The following DCC variants were observed in gnomAD, a reference collection of about 807,000 sequenced individuals.
DCC encodes the protein DCC netrin 1 receptor.
Under a neutral mutation model 172.5 loss-of-function variants are expected in DCC, and 58 were observed. The ratio of observed to expected loss-of-function variants is 0.34; its 90% CI spans 0.27 to 0.42. The LOEUF is 0.42. Among genes scored for constraint, DCC ranks in the 10% least tolerant of loss-of-function variants. The pLI, the probability that DCC is intolerant of heterozygous loss-of-function variation, is 1.00. For missense variants in DCC, 1,740 were observed against 1,791.0 expected, an observed-to-expected ratio of 0.97 and a Z score of 0.51; for synonymous variants, 709 against 644.5, an observed-to-expected ratio of 1.10 and a Z score of -1.52.
At chr18:53,101,550 G>A (rs1367833920) in intron 7 of DCC, among the ~76,000 whole-genome samples, 1 of 152,066 alleles carries the variant, frequency 6.6e-6, no homozygotes, top group Non-Finnish European at 1.5e-5. Flanking sequence ...CCAGCATGCT[G>A]GGAACAATAA....
intron 24 of DCC, among the ~76,000 whole-genome samples, chr18:53,460,400 G>T (rs2045542408): frequency 6.9e-6 from 1 of 144,328 alleles, no homozygotes; most frequent in African/African-American, 2.5e-5. Flanking sequence ...CATCTAGCAT[G>T]AGGTATATCT....
At chr18:52,428,768 G>A (rs1373648904) in intron 1 of DCC, among the ~76,000 whole-genome samples, 1 of 151,964 alleles carries the variant, frequency 6.6e-6, no homozygotes, top group Non-Finnish European at 1.5e-5. Context: ...CAAACTAACA[G>A]GAGGCCCTTG....
intron 22 of DCC, among the ~76,000 whole-genome samples, chr18:53,439,769 C>CTTTTTTTCTT (rs1555672139): frequency 3.1e-5 from 4 of 127,214 alleles, no homozygotes; most frequent in Non-Finnish European, 3.4e-5. Flanking sequence ...TAGTATTTTT[C>CTTTTTTTCTT]TTTTTTTTTT....
At chr18:52,984,809 A>G (rs1308064284) in intron 5 of DCC, among the ~76,000 whole-genome samples, 1 of 152,132 alleles carries the variant, frequency 6.6e-6, no homozygotes, top group African/African-American at 2.4e-5. Context: ...TTCCCCAAGT[A>G]TGTGCCTCTC....
intron 12 of DCC, among the ~76,000 whole-genome samples, chr18:53,292,644 G>A (rs979593576): frequency 6.6e-6 from 1 of 152,138 alleles, no homozygotes; most frequent in Non-Finnish European, 1.5e-5. Context: ...AGCCGAGATC[G>A]TGCCACTGCA....
chr18:52,696,888 A>G (rs2036020748), intron 1 of DCC, among the ~76,000 whole-genome samples: 1 of 27,996 alleles, frequency 3.6e-5, no homozygotes, highest in South Asian at 7.1e-4. Context: ...ATCAGAAATA[A>G]AAGTTAATAA....
chr18:52,965,337 T>A (rs983072521), intron 5 of DCC, among the ~76,000 whole-genome samples: 1 of 152,058 alleles, frequency 6.6e-6, no homozygotes, highest in Admixed American at 6.5e-5. Context: ...AAGGACATGC[T>A]TGATTTTTTT....
intron 8 of DCC, among the ~76,000 whole-genome samples, chr18:53,159,426 C>G (rs1397471719): frequency 1.3e-5 from 2 of 152,148 alleles, no homozygotes; most frequent in Non-Finnish European, 2.9e-5. Flanking sequence ...GCCATGCTTC[C>G]TTTATTCTAT....
At chr18:52,939,355 T>G (rs202092517) in intron 5 of DCC, among the ~76,000 whole-genome samples, 2 of 152,140 alleles carry the variant, frequency 1.3e-5, no homozygotes, top group East Asian at 1.9e-4. Flanking sequence ...GTTACTGTTA[T>G]GCAGTTATTT....
intron 12 of DCC, among the ~76,000 whole-genome samples, chr18:53,240,904 G>C (rs1358916882): frequency 1.3e-5 from 2 of 152,144 alleles, no homozygotes; most frequent in Non-Finnish European, 1.5e-5. Flanking sequence ...AGAGAGTCTT[G>C]TTGTACTGTT....
chr18:53,419,101 C>G (rs988919918), intron 21 of DCC, among the ~76,000 whole-genome samples: 5 of 152,054 alleles, frequency 3.3e-5, no homozygotes, highest in African/African-American at 1.2e-4. Context: ...TGCACAGGCT[C>G]TATGAAGCGG....
At chr18:52,856,785 T>C (rs1478673350) in intron 2 of DCC, among the ~76,000 whole-genome samples, 1 of 152,180 alleles carries the variant, frequency 6.6e-6, no homozygotes, top group Admixed American at 6.5e-5. Flanking sequence ...TTTGTTACAA[T>C]AGTCAGCATG....
intron 9 of DCC, among the ~76,000 whole-genome samples, chr18:53,184,014 A>G (rs66974931): frequency 6.9e-6 from 1 of 144,148 alleles, no homozygotes; most frequent in Non-Finnish European, 1.5e-5. Flanking sequence ...AAAAAAAAAA[A>G]AAAAAAAACT....
intron 25 of DCC, among the ~76,000 whole-genome samples, chr18:53,482,959 A>C (rs2045853303): frequency 6.6e-6 from 1 of 151,986 alleles, no homozygotes; most frequent in Admixed American, 6.6e-5. Flanking sequence ...CCAGGAGAGT[A>C]AATCATATAT....
intron 1 of DCC, among the ~76,000 whole-genome samples, chr18:52,593,182 C>A (rs1028964748): frequency 6.6e-6 from 1 of 152,114 alleles, no homozygotes; most frequent in East Asian, 1.9e-4. Context: ...ATTTTTGAAG[C>A]TGAAAAGTTG....
intron 1 of DCC, among the ~76,000 whole-genome samples, chr18:52,592,273 A>C (rs920017149): frequency 1.3e-5 from 2 of 152,206 alleles, no homozygotes; most frequent in Non-Finnish European, 2.9e-5. Context: ...ACTGCAGAAG[A>C]AACTTTTTGC....
chr18:52,851,974 T>C (rs2038981798), intron 2 of DCC, among the ~76,000 whole-genome samples: 1 of 152,126 alleles, frequency 6.6e-6, no homozygotes, highest in Non-Finnish European at 1.5e-5. Flanking sequence ...TATAGCTTTA[T>C]ATACATGAAA....
At chr18:53,346,545 C>G (rs543917398) in intron 15 of DCC, among the ~76,000 whole-genome samples, 11 of 151,964 alleles carry the variant, frequency 7.2e-5, no homozygotes, top group African/African-American at 2.7e-4. Flanking sequence ...TGATAAATTC[C>G]TTCATTACCT....
At position 53,230,326 on chromosome 18, in the gene DCC, T is replaced by C. The variant is rs191795086; in HGVS notation, c.1911+14729T>C. Among the ~76,000 whole-genome samples the C allele has an allele frequency of 2.2e-4, 33 of 152,228 alleles. No homozygotes were observed. The East Asian group carries it at 6.0e-3, about 28-fold the overall frequency. ...TGCACAGTGCCTTTAATAATATCTTTGCAATGAATATAAATAATTTCATTA... is the reference window on the plus strand; with the variant it reads ...TGCACAGTGCCTTTAATAATATCTTCGCAATGAATATAAATAATTTCATTA... On this transcript the variant is annotated intron_variant, in intron 12 of 28. Transcript: ENST00000442544.
Sources: gnomAD v4.1 joint callset for allele counts (sites outside exome capture counted in the v4.1 genomes callset) on GRCh38, gnomAD v4.1.1 for gene constraint, MANE v1.5 for transcripts, NCBI Gene and HGNC (gene_info 2026-07-23, HGNC 2026-07-21) for gene names.